DPM1: variants seen among roughly 807,000 people sequenced by gnomAD.
DPM1 encodes the protein dolichyl-phosphate mannosyltransferase subunit 1, catalytic, also known as dolichol-phosphate mannosyltransferase subunit 1.
A neutral mutation model predicts 39.0 loss-of-function variants in DPM1; 27 were observed. The observed-to-expected ratio is 0.69, with a 90% CI of 0.51 to 0.95. DPM1 has a LOEUF of 0.95. Ranked by LOEUF, DPM1 falls within the 40% of genes least tolerant of loss-of-function variation. The pLI is 0.00. For synonymous variants in DPM1, 124 were observed against 109.0 expected, an observed-to-expected ratio of 1.14 and a Z score of -0.86; for missense variants, 307 against 315.6, an observed-to-expected ratio of 0.97 and a Z score of 0.21.
chr20:50,945,788 A>G (rs751254597), intron 4 of DPM1, 26 bp from the exon 5 acceptor site: 130 of 1,608,524 alleles, frequency 8.1e-5, no homozygotes, highest in Middle Eastern at 3.4e-4. Flanking sequence ...AATAAACAGT[A>G]AGTCAGTAAA....
chr20:50,952,251 A>C (rs933841981), intron 2 of DPM1, among the ~76,000 whole-genome samples: 2 of 152,222 alleles, frequency 1.3e-5, no homozygotes, highest in African/African-American at 4.8e-5. Context: ...AAATACTTTT[A>C]TGGGAAACTA....
intron 6 of DPM1, chr20:50,941,227 AATAT>A (rs58694792): frequency 0.085 from 5,213 of 61,016 alleles, 393 homozygotes; most frequent in African/African-American, 0.22. Context: ...AAAAAAAGTG[AATAT>A]ATATATATAT....
At chr20:50,943,740 ATTTTTT>A (rs141377879) in intron 5 of DPM1, among the ~76,000 whole-genome samples, 1 of 125,880 alleles carries the variant, frequency 7.9e-6, no homozygotes, top group East Asian at 2.5e-4. Context: ...AAGCCTGAGT[ATTTTTT>A]TTTTTTTTTT....
intron 3 of DPM1, among the ~76,000 whole-genome samples, chr20:50,947,823 T>C (rs1019625873): frequency 6.6e-6 from 1 of 151,948 alleles, no homozygotes; most frequent in African/African-American, 2.4e-5. Flanking sequence ...GGGATGGGGT[T>C]TTACCATGTT....
At chr20:50,938,093 C>G (rs1985369044) in intron 7 of DPM1, among the ~76,000 whole-genome samples, 1 of 152,140 alleles carries the variant, frequency 6.6e-6, no homozygotes, top group African/African-American at 2.4e-5. Flanking sequence ...CACCTCCTTC[C>G]TCCCCATCCA....
chr20:50,943,397 G>A (rs1986030378), intron 5 of DPM1, among the ~76,000 whole-genome samples: 2 of 151,004 alleles, frequency 1.3e-5, no homozygotes, highest in Admixed American at 1.3e-4. Context: ...GTCTCGCTCT[G>A]TTGCCAGGGT....
chr20:50,942,825 T>C (rs1360547369), intron 5 of DPM1, among the ~76,000 whole-genome samples: 12 of 152,232 alleles, frequency 7.9e-5, no homozygotes, highest in Non-Finnish European at 1.6e-4. Flanking sequence ...TTGGTTGCAT[T>C]TACAAAATTG....
intron 7 of DPM1, 86 bp downstream of exon 7, chr20:50,940,779 G>C (rs1188090750): frequency 1.8e-6 from 2 of 1,136,954 alleles, no homozygotes; most frequent in Non-Finnish European, 2.7e-6. Flanking sequence ...AAACAAGGTA[G>C]AAATGTAAAG....
intron 5 of DPM1, among the ~76,000 whole-genome samples, chr20:50,942,398 C>T (rs1275514667): frequency 6.6e-6 from 1 of 151,564 alleles, no homozygotes; most frequent in African/African-American, 2.4e-5. Context: ...CCCAGCTACT[C>T]AGGAGGCTGA....
At position 50,942,022 on chromosome 20, in the gene DPM1, T is replaced by G. The variant is rs774832271; in HGVS notation, c.494+9A>C. The G allele has an allele frequency of 2.5e-6, 4 of 1,606,244 alleles. No homozygotes were observed. The highest frequency in any genetic ancestry group is 2.6e-6 in the Non-Finnish European group (3 of 1,172,820). ...ATACTAATAAAGAAGTTGTAACACA[T>G]GTACCTACCTGATTATTTTTCTTTT... On this transcript the variant is annotated intron_variant, in intron 6 of 8. Coordinates refer to ENST00000371588, the MANE Select transcript of DPM1 (RefSeq NM_003859.3).
intron 2 of DPM1, among the ~76,000 whole-genome samples, chr20:50,951,595 C>G (rs1986581727): frequency 6.6e-6 from 1 of 152,054 alleles, no homozygotes; most frequent in Admixed American, 6.6e-5. Context: ...TCAAGAAGAG[C>G]CTGACCAACA....
At chr20:50,937,688 C>T (rs1013159318) in intron 7 of DPM1, among the ~76,000 whole-genome samples, 19 of 152,110 alleles carry the variant, frequency 1.2e-4, no homozygotes, top group African/African-American at 4.6e-4. Context: ...GCAGTCTCAA[C>T]TTTCCAGGCT....
At chr20:50,947,194 G>A (rs1480401398) in intron 3 of DPM1, among the ~76,000 whole-genome samples, 1 of 151,686 alleles carries the variant, frequency 6.6e-6, no homozygotes, top group Non-Finnish European at 1.5e-5. Flanking sequence ...GGCAAGAAGA[G>A]CGAAACTCCG....
intron 2 of DPM1, among the ~76,000 whole-genome samples, chr20:50,952,661 T>C (rs2123136210): frequency 6.6e-6 from 1 of 152,374 alleles, no homozygotes; most frequent in Admixed American, 6.5e-5. Flanking sequence ...TTATGAATTA[T>C]CTGGTTGGTT....
intron 3 of DPM1, among the ~76,000 whole-genome samples, chr20:50,948,044 A>G (rs190442407): frequency 1.6e-3 from 240 of 152,290 alleles, no homozygotes; most frequent in African/African-American, 5.5e-3. Context: ...ACTCTGTGCT[A>G]TATTGGGTGA....
intron 5 of DPM1, 38 bp downstream of exon 5, chr20:50,945,699 C>T (rs780920843): frequency 2.0e-6 from 3 of 1,483,318 alleles, no homozygotes; most frequent in Non-Finnish European, 2.8e-6. Context: ...TAAATGTTTC[C>T]AGTCATATTT....
In DPM1 at chr20:50,938,326, T is replaced by C. The variant is rs180948320; in HGVS notation, c.564-2064A>G. On this transcript the variant is annotated intron_variant, in intron 7 of 8. Coordinates refer to ENST00000371588, the MANE Select transcript of DPM1 (RefSeq NM_003859.3). The stretch of plus-strand genomic sequence containing the variant: ...TTGTCTAGCGACAAATGAACTTTAA[T>C]GCATGTATTTAAGAAACCACCACTC... Among the ~76,000 whole-genome samples, 152 of 152,146 alleles carry C rather than the reference T, an allele frequency of 1.0e-3. 2 individuals are homozygous for C. In the Middle Eastern group the frequency reaches 0.027, roughly 27 times the overall value.
intron 2 of DPM1, among the ~76,000 whole-genome samples, chr20:50,950,411 G>A (rs1463666984): frequency 3.3e-5 from 5 of 152,156 alleles, no homozygotes; most frequent in Non-Finnish European, 5.9e-5. Context: ...GAACAAAATC[G>A]AGCAGGATAT....
At chr20:50,958,186 G>A (rs546062222) in intron 1 of DPM1, among the ~76,000 whole-genome samples, 177 bp downstream of exon 1, 1 of 152,324 alleles carries the variant, frequency 6.6e-6, no homozygotes, top group South Asian at 2.1e-4. Context: ...CCCAGGACAC[G>A]AAGAAAACCC....
Sources: allele counts gnomAD v4.1 joint callset (sites outside exome capture counted in the v4.1 genomes callset), GRCh38; gene constraint gnomAD v4.1.1; transcripts MANE v1.5; gene names NCBI Gene and HGNC (gene_info 2026-07-23, HGNC 2026-07-21).